The following NRP1 variants were observed in gnomAD, a reference collection of about 807,000 sequenced individuals.
NRP1 encodes neuropilin 1.
Under a neutral mutation model 106.7 loss-of-function variants are expected in NRP1, and 35 were observed. The observed-to-expected ratio is 0.33, with a 90% CI of 0.25 to 0.43. The LOEUF is 0.43. Ranked by LOEUF, NRP1 falls within the 20% of genes least tolerant of loss-of-function variation. The probability of loss-of-function intolerance (pLI) is 1.00; values close to 1 mark genes in which losing one functional copy is unlikely to be tolerated. For missense variants in NRP1, 1,024 were observed against 1,170.4 expected (o/e 0.87, Z 1.83); for synonymous variants, 437 against 417.9 (o/e 1.05, Z -0.56).
At chr10:33,217,997 T>A (rs1293376945) in intron 8 of NRP1, among the ~76,000 whole-genome samples, 1 of 152,202 alleles carries the variant, frequency 6.6e-6, no homozygotes, top group East Asian at 1.9e-4. Context: ...CATAATTTAA[T>A]CTCTCCTTGA....
rs532119044 is a variant in NRP1 at position 33,258,778 on chromosome 10, G to C, written c.659-2307C>G. Among the ~76,000 whole-genome samples the C allele has an allele frequency of 4.6e-5, 7 of 151,910 alleles. No homozygotes were observed. The East Asian group carries it at 1.2e-3, about 25-fold the overall frequency. ...TTTTTTTTTCTTATCTCTGGAGCAC[G>C]AAGTTGTCCATAACATACACATGAA... On this transcript the variant is annotated intron_variant, in intron 4 of 16. Coordinates refer to ENST00000374867, the MANE Select transcript of NRP1 (RefSeq NM_003873.7).
intron 11 of NRP1, among the ~76,000 whole-genome samples, chr10:33,198,821 C>A (rs1042473122): frequency 2.0e-5 from 3 of 152,060 alleles, no homozygotes; most frequent in Non-Finnish European, 4.4e-5. Context: ...AAATACCCTG[C>A]CCTGTATGTG....
chr10:33,273,917 G>A (rs535214242), intron 2 of NRP1, among the ~76,000 whole-genome samples: 2 of 152,160 alleles, frequency 1.3e-5, no homozygotes, highest in East Asian at 3.9e-4. Flanking sequence ...CCCATCTGGG[G>A]AAGGTCCCTC....
intron 6 of NRP1, among the ~76,000 whole-genome samples, chr10:33,246,589 C>CACACAA (rs1164752741): frequency 1.9e-4 from 28 of 151,296 alleles, no homozygotes; most frequent in Non-Finnish European, 2.2e-4. Context: ...AATAAACACA[C>CACACAA]ACACACACAC....
chr10:33,288,360 CA>C (rs1844737466), intron 2 of NRP1: 1 of 152,198 alleles, frequency 6.6e-6, no homozygotes, highest in African/African-American at 2.4e-5. Context: ...TTCATAGGCA[CA>C]ATCCCACTAC....
intron 13 of NRP1, among the ~76,000 whole-genome samples, chr10:33,189,061 C>A (rs1398918276): frequency 6.6e-6 from 1 of 151,418 alleles, no homozygotes; most frequent in Non-Finnish European, 1.5e-5. Context: ...ACCTTTTATC[C>A]ACCCCCATCC....
At chr10:33,202,805 T>A in intron 11 of NRP1, 86 bp downstream of exon 11, 1 of 1,612,376 alleles carries the variant, frequency 6.2e-7, no homozygotes, top group Non-Finnish European at 8.5e-7. Context: ...CATGCGGAGT[T>A]ACAAGCACAC....
chr10:33,254,900 T>C (rs950396952), intron 5 of NRP1, among the ~76,000 whole-genome samples: 1 of 152,146 alleles, frequency 6.6e-6, no homozygotes, highest in Non-Finnish European at 1.5e-5. Flanking sequence ...GCACATTAGG[T>C]GGACATGTCC....
At chr10:33,265,444 C>T (rs1336654324) in intron 3 of NRP1, among the ~76,000 whole-genome samples, 1 of 152,172 alleles carries the variant, frequency 6.6e-6, no homozygotes, top group Non-Finnish European at 1.5e-5. Context: ...AACATTCTCC[C>T]AAAGTGCCAG....
intron 2 of NRP1, among the ~76,000 whole-genome samples, chr10:33,316,692 T>G (rs898038552): frequency 1.3e-5 from 2 of 152,078 alleles, no homozygotes; most frequent in Non-Finnish European, 1.5e-5. Flanking sequence ...CACAGCACCA[T>G]GAGATGCAGG....
chr10:33,323,349 G>A (rs1031858335), intron 2 of NRP1, among the ~76,000 whole-genome samples: 1 of 152,092 alleles, frequency 6.6e-6, no homozygotes, highest in Admixed American at 6.5e-5. Flanking sequence ...ATAAAGACCT[G>A]GGCTTGATGA....
At chr10:33,231,941 C>T (rs964306579) in intron 6 of NRP1, among the ~76,000 whole-genome samples, 1 of 152,088 alleles carries the variant, frequency 6.6e-6, no homozygotes, top group African/African-American at 2.4e-5. Flanking sequence ...ATTATGTTTC[C>T]CTCACCACTA....
intron 13 of NRP1, among the ~76,000 whole-genome samples, chr10:33,188,748 G>A (rs1307776569): frequency 2.0e-5 from 3 of 151,106 alleles, no homozygotes; most frequent in Non-Finnish European, 2.9e-5. Context: ...GTGGTGGCGG[G>A]CATCTGTAGT....
intron 6 of NRP1, among the ~76,000 whole-genome samples, chr10:33,242,366 T>C (rs548577326): frequency 6.6e-6 from 1 of 152,198 alleles, no homozygotes; most frequent in Non-Finnish European, 1.5e-5. Context: ...TATAAATATA[T>C]ACAATATTTA....
At chr10:33,255,785 C>G (rs1008972954) in intron 5 of NRP1, among the ~76,000 whole-genome samples, 1 of 152,038 alleles carries the variant, frequency 6.6e-6, no homozygotes, top group Admixed American at 6.6e-5. Flanking sequence ...TTTTCTTGGG[C>G]CTTTAAAAGA....
At chr10:33,329,916 T>G (rs1848155972) in intron 2 of NRP1, among the ~76,000 whole-genome samples, 1 of 152,188 alleles carries the variant, frequency 6.6e-6, no homozygotes, top group Admixed American at 6.5e-5. Context: ...ACATACCAGT[T>G]CTTTCACATA....
chr10:33,211,301 C>T (rs941547315), intron 9 of NRP1: 1 of 152,252 alleles, frequency 6.6e-6, no homozygotes, highest in African/African-American at 2.4e-5. Flanking sequence ...CACACCAGCA[C>T]ACGCCGCCGT....
At position 33,182,557 on chromosome 10, in the gene NRP1, C is replaced by T. The variant is rs1835752797; in HGVS notation, c.2482+141G>A. 7 of 632,618 alleles carry T rather than the reference C, an allele frequency of 1.1e-5. No homozygotes were observed. In the South Asian group the frequency reaches 1.3e-4, roughly 12 times the overall value. 39.2% of individuals were successfully genotyped at this position (632,618 alleles called of 1,614,324 possible). On this transcript the variant is annotated intron_variant, in intron 16 of 16. Transcript: ENST00000374867. ...GTGAGCACAATCCGATCCACAGCAC[C>T]AACCCAGGGCCATGGGCATAGATGT...
chr10:33,307,315 C>T (rs1846233962), intron 2 of NRP1, among the ~76,000 whole-genome samples: 1 of 152,142 alleles, frequency 6.6e-6, no homozygotes, highest in South Asian at 2.1e-4. Flanking sequence ...TTTATTGGAA[C>T]ACAACCATGC....
Sources: gnomAD v4.1 joint callset for allele counts (sites outside exome capture counted in the v4.1 genomes callset) on GRCh38, gnomAD v4.1.1 for gene constraint, MANE v1.5 for transcripts, NCBI Gene and HGNC (gene_info 2026-07-23, HGNC 2026-07-21) for gene names.